KANSL1L: variants seen among roughly 807,000 people sequenced by gnomAD.
KANSL1L encodes the protein KAT8 regulatory NSL complex subunit 1-like protein.
A neutral mutation model predicts 108.6 loss-of-function variants in KANSL1L; 25 were observed. That is an observed-to-expected ratio of 0.23 (90% CI 0.17 to 0.32). The LOEUF (loss-of-function observed/expected upper bound fraction) is 0.32, where lower values mean the gene tolerates loss of function less well. Among genes scored for constraint, KANSL1L ranks in the 10% least tolerant of loss-of-function variants. The pLI is 1.00. For synonymous variants in KANSL1L, 405 were observed against 395.1 expected (o/e 1.03, Z -0.30); for missense variants, 1,137 against 1,125.7 (o/e 1.01, Z -0.14).
chr2:210,115,284 A>G lies in KANSL1L; in HGVS notation c.1231-10983T>C, dbSNP rs78324470. Among the ~76,000 whole-genome samples, 57 of 152,282 alleles carry G rather than the reference A, an allele frequency of 3.7e-4. No individual in the cohort carries two copies. In the East Asian group the frequency reaches 0.011, roughly 29 times the overall value. ...TCAGACAAAACAGATTTTAAATTAAAAAAGGTTACGAGAGATAAGGACATT... is the reference window on the plus strand; with the variant it reads ...TCAGACAAAACAGATTTTAAATTAAGAAAGGTTACGAGAGATAAGGACATT... On this transcript the variant is annotated intron_variant, in intron 3 of 14. Coordinates refer to ENST00000281772, the MANE Select transcript of KANSL1L (RefSeq NM_152519.4).
chr2:210,040,045 G>C (rs963090761), intron 8 of KANSL1L, among the ~76,000 whole-genome samples: 3 of 151,544 alleles, frequency 2.0e-5, no homozygotes, highest in Non-Finnish European at 3.0e-5. Context: ...TCTTCCCATT[G>C]TGCTTTAGAA....
intron 1 of KANSL1L, among the ~76,000 whole-genome samples, chr2:210,158,628 C>G (rs993252850): frequency 6.6e-6 from 1 of 151,418 alleles, no homozygotes; most frequent in Non-Finnish European, 1.5e-5. Flanking sequence ...TATGAAAGTC[C>G]GGGACATATC....
At chr2:210,038,194 G>A (rs913519572) in intron 8 of KANSL1L, among the ~76,000 whole-genome samples, 5 of 151,810 alleles carry the variant, frequency 3.3e-5, no homozygotes, top group South Asian at 2.1e-4. Context: ...ATACAGTTGC[G>A]AAAAAAGCTT....
intron 1 of KANSL1L, among the ~76,000 whole-genome samples, chr2:210,155,502 A>C (rs372175015): frequency 1.1e-3 from 175 of 152,356 alleles, no homozygotes; most frequent in African/African-American, 3.8e-3. Context: ...AACTTGCCTA[A>C]TGCAATGTCT....
At chr2:210,153,367 A>T (rs1018372022) in intron 2 of KANSL1L, 128 bp downstream of exon 2, 17 of 184,756 alleles carry the variant, frequency 9.2e-5, no homozygotes, top group South Asian at 2.7e-4. Flanking sequence ...AATAAAAATT[A>T]AAAAAAAAAA....
At chr2:210,118,148 A>G (rs2094974024) in intron 3 of KANSL1L, among the ~76,000 whole-genome samples, 1 of 149,124 alleles carries the variant, frequency 6.7e-6, no homozygotes, top group African/African-American at 2.5e-5. Flanking sequence ...CCTGGGCAAC[A>G]AAAGCGAAAC....
intron 8 of KANSL1L, among the ~76,000 whole-genome samples, chr2:210,033,279 T>C (rs1393937784): frequency 6.6e-6 from 1 of 152,206 alleles, no homozygotes; most frequent in Non-Finnish European, 1.5e-5. Context: ...CTGAAAGTTA[T>C]TAATACAAGA....
intron 14 of KANSL1L, 22 bp from the exon 15 acceptor site, chr2:210,023,201 G>T (rs750027486): frequency 6.3e-7 from 1 of 1,575,490 alleles, no homozygotes; most frequent in South Asian, 1.1e-5. Flanking sequence ...AAAATTTTCA[G>T]TTAAGTTTCA....
intron 3 of KANSL1L, among the ~76,000 whole-genome samples, chr2:210,126,890 G>T (rs929442807): frequency 3.3e-5 from 5 of 151,986 alleles, no homozygotes; most frequent in Non-Finnish European, 5.9e-5. Context: ...CAAAACTACA[G>T]AAATCAAAAT....
In KANSL1L at chr2:210,097,205, A is replaced by C. The variant is rs2094745309; in HGVS notation, c.1550+881T>G. The C allele has an allele frequency of 5.3e-6, 5 of 950,304 alleles. No individual in the cohort carries two copies. The African/African-American group carries it at 5.3e-5, about 10-fold the overall frequency. The allele number at this position is 950,304 out of a possible 1,614,324, so 58.9% of individuals were successfully genotyped here. On this transcript the variant is annotated intron_variant, in intron 5 of 14. Coordinates refer to ENST00000281772, the MANE Select transcript of KANSL1L (RefSeq NM_152519.4). Reference sequence around the variant, plus strand: ...TGAAATCTGCCCACCTCAGCTTTTTATTTTAAGACTTTGTTTACATCCACT... The same window carrying C: ...TGAAATCTGCCCACCTCAGCTTTTTCTTTTAAGACTTTGTTTACATCCACT...
At chr2:210,126,089 CAAAA>C (rs989186424) in intron 3 of KANSL1L, among the ~76,000 whole-genome samples, 24 of 152,236 alleles carry the variant, frequency 1.6e-4, no homozygotes, top group African/African-American at 5.5e-4. Context: ...AAAATTCCTT[CAAAA>C]ATATGTTCAA....
At chr2:210,030,295 ATCTG>A (rs2093997253) in intron 9 of KANSL1L, among the ~76,000 whole-genome samples, 1 of 151,922 alleles carries the variant, frequency 6.6e-6, no homozygotes, top group Non-Finnish European at 1.5e-5. Context: ...TATGTGAGGT[ATCTG>A]TCCTTGGTCT....
intron 2 of KANSL1L, among the ~76,000 whole-genome samples, chr2:210,142,646 T>C (rs2095238657): frequency 6.6e-6 from 1 of 152,142 alleles, no homozygotes. Context: ...CTGCACCCCA[T>C]AGTTTTGTAA....
At chr2:210,168,491 A>C (rs754087868) in intron 1 of KANSL1L, among the ~76,000 whole-genome samples, 4 of 152,134 alleles carry the variant, frequency 2.6e-5, no homozygotes, top group Non-Finnish European at 5.9e-5. Flanking sequence ...GGAACTTCAG[A>C]TAGCAGGCAT....
upstream of KANSL1L, chr2:210,171,671 A>AT (rs1199094945): frequency 2.6e-5 from 4 of 151,418 alleles, no homozygotes; most frequent in Non-Finnish European, 5.9e-5. Flanking sequence ...AAAAAAAAAA[A>AT]CACGGCCAGG....
intron 8 of KANSL1L, among the ~76,000 whole-genome samples, chr2:210,039,684 C>T (rs970817676): frequency 1.3e-5 from 2 of 151,826 alleles, no homozygotes; most frequent in African/African-American, 2.4e-5. Context: ...AACTCATAAA[C>T]ATTTCATTAT....
At chr2:210,079,612 G>GTATATATATATATATATATATATATA (rs60144283) in intron 5 of KANSL1L, among the ~76,000 whole-genome samples, 1 of 65,682 alleles carries the variant, frequency 1.5e-5, no homozygotes. Flanking sequence ...ATATGTATGT[G>GTATATATATATATATATATATATATA]TATATATATA....
chr2:210,134,181 T>C (rs1209663253), intron 2 of KANSL1L, among the ~76,000 whole-genome samples: 5 of 152,168 alleles, frequency 3.3e-5, no homozygotes, highest in Non-Finnish European at 5.9e-5. Context: ...ACTATTCCCT[T>C]GTTAGCTGAA....
chr2:210,098,810 A>G (rs1171844404), intron 4 of KANSL1L, among the ~76,000 whole-genome samples: 1 of 50,698 alleles, frequency 2.0e-5, no homozygotes, highest in Admixed American at 3.1e-4. Context: ...CCTAATTCAC[A>G]AATATCAGAG....
Sources: allele counts gnomAD v4.1 joint callset (sites outside exome capture counted in the v4.1 genomes callset), GRCh38; gene constraint gnomAD v4.1.1; transcripts MANE v1.5; gene names NCBI Gene and HGNC (gene_info 2026-07-23, HGNC 2026-07-21).